Variants in MACROD2 observed in about 807,000 individuals in gnomAD.
MACROD2 encodes mono-ADP ribosylhydrolase 2.
MACROD2 carries 36 observed loss-of-function variants against 70.4 expected under a neutral mutation model. The ratio of observed to expected loss-of-function variants is 0.51; its 90% CI spans 0.39 to 0.68. The LOEUF is 0.68. Ranked by LOEUF, MACROD2 falls within the 30% of genes least tolerant of loss-of-function variation. MACROD2 has a pLI of 0.00. For synonymous variants in MACROD2, 172 were observed against 178.8 expected (o/e 0.96, Z 0.30); for missense variants, 496 against 538.4 (o/e 0.92, Z 0.78).
chr20:14,788,458 C>T (rs767898351), intron 5 of MACROD2, among the ~76,000 whole-genome samples: 1 of 151,314 alleles, frequency 6.6e-6, no homozygotes, highest in Admixed American at 6.6e-5. Flanking sequence ...TGATGGTGTG[C>T]ACCTGTATTC....
In MACROD2 at chr20:14,868,299, T is replaced by C. The variant is rs1275259550; in HGVS notation, c.418+183340T>C. ...AACTCCTTGGTTCAAGGGATCCTCC[T>C]GCCTCAGCCTTTTGAGTAGCTGGGA... On this transcript the variant is annotated intron_variant, in intron 5 of 17. Transcript: ENST00000684519. Among the ~76,000 whole-genome samples the C allele has an allele frequency of 5.9e-5, 9 of 151,880 alleles. 1 individual carries two copies. The highest frequency in any genetic ancestry group is 1.3e-4 in the Non-Finnish European group (9 of 67,938).
At chr20:15,660,815 A>G (rs1427052478) in intron 8 of MACROD2, among the ~76,000 whole-genome samples, 7 of 150,548 alleles carry the variant, frequency 4.6e-5, no homozygotes, top group African/African-American at 1.7e-4. Context: ...CCAAACATTC[A>G]GACCCTTCAA....
At chr20:15,979,086 T>C (rs1398328498) in intron 13 of MACROD2, among the ~76,000 whole-genome samples, 1 of 152,116 alleles carries the variant, frequency 6.6e-6, no homozygotes, top group Non-Finnish European at 1.5e-5. Flanking sequence ...CAAGGGGAAG[T>C]AGTATCATGG....
chr20:16,032,759 AAGAG>A (rs146355404), intron 15 of MACROD2, among the ~76,000 whole-genome samples: 38,783 of 102,902 alleles, frequency 0.38, 5,622 homozygotes, highest in Middle Eastern at 0.48. Context: ...GGGAGGAGGG[AAGAG>A]AGGAAGGAAG....
At chr20:15,323,231 A>T (rs1192079399) in intron 6 of MACROD2, among the ~76,000 whole-genome samples, 1 of 152,206 alleles carries the variant, frequency 6.6e-6, no homozygotes, top group Admixed American at 6.5e-5. Flanking sequence ...ATTCTTCACC[A>T]TCCTGCCATC....
intron 8 of MACROD2, among the ~76,000 whole-genome samples, chr20:15,599,697 A>G (rs1452357336): frequency 6.6e-6 from 1 of 152,218 alleles, no homozygotes; most frequent in African/African-American, 2.4e-5. Context: ...GTAGGAACCA[A>G]TATGTCTATA....
intron 5 of MACROD2, among the ~76,000 whole-genome samples, chr20:15,107,267 C>A (rs1021938179): frequency 1.3e-5 from 2 of 151,294 alleles, no homozygotes; most frequent in Admixed American, 1.3e-4. Flanking sequence ...AATTTCTGGG[C>A]AACATTTTCT....
intron 6 of MACROD2, among the ~76,000 whole-genome samples, chr20:15,247,363 G>GT (rs1255289579): frequency 1.3e-5 from 2 of 152,158 alleles, no homozygotes; most frequent in East Asian, 3.8e-4. Flanking sequence ...GATAAAGAGA[G>GT]TTTGCATGAA....
At chr20:15,845,849 G>C (rs2064225143) in intron 8 of MACROD2, among the ~76,000 whole-genome samples, 1 of 152,148 alleles carries the variant, frequency 6.6e-6, no homozygotes, top group Non-Finnish European at 1.5e-5. Flanking sequence ...ACAGAGTTTA[G>C]AGAAGTTAAG....
At chr20:14,865,740 A>C (rs993023418) in intron 5 of MACROD2, among the ~76,000 whole-genome samples, 4 of 151,922 alleles carry the variant, frequency 2.6e-5, no homozygotes, top group Non-Finnish European at 5.9e-5. Flanking sequence ...TCTTAGTTCA[A>C]CTCTTTCTTT....
At chr20:14,054,787 A>G (rs537815780) in intron 2 of MACROD2, among the ~76,000 whole-genome samples, 64 of 152,304 alleles carry the variant, frequency 4.2e-4, no homozygotes, top group East Asian at 2.5e-3. Flanking sequence ...AACAATTTCA[A>G]TGGGGCCAGA....
At chr20:14,500,643 G>A (rs1183785296) in intron 4 of MACROD2, among the ~76,000 whole-genome samples, 1 of 152,146 alleles carries the variant, frequency 6.6e-6, no homozygotes, top group Non-Finnish European at 1.5e-5. Context: ...CAATTCCAAG[G>A]ACATAATTTG....
intron 4 of MACROD2, among the ~76,000 whole-genome samples, chr20:14,503,484 A>C (rs992174359): frequency 8.5e-5 from 13 of 152,172 alleles, no homozygotes; most frequent in African/African-American, 2.9e-4. Context: ...GTGGGGCTGA[A>C]TGGAGCTTAT....
chr20:15,476,337 C>T (rs1342933553), intron 7 of MACROD2, among the ~76,000 whole-genome samples: 1 of 152,156 alleles, frequency 6.6e-6, no homozygotes, highest in African/African-American at 2.4e-5. Flanking sequence ...CTTTCGCACA[C>T]AGAAAAGGAA....
chr20:15,141,173 T>C (rs1408356925), intron 5 of MACROD2, among the ~76,000 whole-genome samples: 1 of 151,646 alleles, frequency 6.6e-6, no homozygotes, highest in African/African-American at 2.4e-5. Flanking sequence ...ATATAGAATT[T>C]ACATGCATAC....
chr20:14,554,176 G>T (rs1481755536), intron 4 of MACROD2, among the ~76,000 whole-genome samples: 1 of 152,132 alleles, frequency 6.6e-6, no homozygotes, highest in Non-Finnish European at 1.5e-5. Context: ...CTTTCTCAAA[G>T]GTTGCCTATG....
chr20:15,001,126 T>A lies in MACROD2; in HGVS notation c.419-228814T>A, dbSNP rs73093934. Among the ~76,000 whole-genome samples, 1,384 of 152,270 alleles carry A rather than the reference T, an allele frequency of 9.1e-3. 4 individuals carry two copies. The highest frequency in any genetic ancestry group is 0.015 in the Non-Finnish European group (994 of 68,018). On this transcript the variant is annotated intron_variant, in intron 5 of 17. Coordinates refer to ENST00000684519, the MANE Select transcript of MACROD2 (RefSeq NM_001351661.2). ...GGGTTCTGGACGGAGAAGGTTAGAA[T>A]GATAGCAGGTAGGAAGTCTCAACAG...
At chr20:15,261,191 G>T in intron 6 of MACROD2, among the ~76,000 whole-genome samples, 1 of 151,684 alleles carries the variant, frequency 6.6e-6, no homozygotes, top group Non-Finnish European at 1.5e-5. Context: ...TTTGACTGTT[G>T]GCAGTCGATC....
intron 3 of MACROD2, among the ~76,000 whole-genome samples, chr20:14,276,557 G>A (rs1050090116): frequency 6.6e-6 from 1 of 151,050 alleles, no homozygotes; most frequent in Non-Finnish European, 1.5e-5. Context: ...CAGCACACCA[G>A]CATGGCACAT....
Sources: gnomAD v4.1 joint callset for allele counts (sites outside exome capture counted in the v4.1 genomes callset) on GRCh38, gnomAD v4.1.1 for gene constraint, MANE v1.5 for transcripts, NCBI Gene and HGNC (gene_info 2026-07-23, HGNC 2026-07-21) for gene names.